IPO11: variants seen among roughly 807,000 people sequenced by gnomAD.
IPO11 encodes importin 11.
Under a neutral mutation model 143.2 loss-of-function variants are expected in IPO11, and 66 were observed. The observed-to-expected ratio is 0.46, with a 90% CI of 0.38 to 0.57. The LOEUF (loss-of-function observed/expected upper bound fraction) is 0.57. Among genes scored for constraint, IPO11 ranks in the 20% least tolerant of loss-of-function variants. The pLI, the probability that IPO11 is intolerant of heterozygous loss-of-function variation, is 0.00. For synonymous variants in IPO11, 385 were observed against 377.8 expected, an observed-to-expected ratio of 1.02 and a Z score of -0.22; for missense variants, 1,026 against 1,141.0, an observed-to-expected ratio of 0.90 and a Z score of 1.45.
chr5:62,574,781 GAGATCAAGAAGTTAAAAATGTTCTTCTAA>G (rs1744255739), intron 27 of IPO11, among the ~76,000 whole-genome samples: 1 of 152,190 alleles, frequency 6.6e-6, no homozygotes, highest in African/African-American at 2.4e-5. Flanking sequence ...AACAGGAACA[GAGATCAAGAAGTTAAAAATGTTCTTCTAA>G]AGTCATGCTG....
rs1357160092 is a variant in IPO11 at position 62,487,765 on chromosome 5, C to T, written c.1219-6C>T. 1 of 1,566,664 alleles carries T rather than the reference C, an allele frequency of 6.4e-7. No homozygotes were observed. The highest frequency in any genetic ancestry group is 8.6e-7 in the Non-Finnish European group (1 of 1,157,602). On this transcript the variant is annotated splice_region_variant and splice_polypyrimidine_tract_variant and intron_variant, in intron 12 of 29. Transcript: ENST00000325324. The stretch of plus-strand genomic sequence containing the variant: ...TGATGAGAAATTTGTATTTTTCCCT[C>T]TCCAGCCATGCACTGAAGTATTATT...
intron 20 of IPO11, among the ~76,000 whole-genome samples, chr5:62,524,871 T>G (rs1742317894): frequency 1.3e-5 from 2 of 152,180 alleles, no homozygotes; most frequent in African/African-American, 4.8e-5. Flanking sequence ...ACTTCTTAGG[T>G]GAGGAGGTAT....
intron 19 of IPO11, among the ~76,000 whole-genome samples, chr5:62,513,424 C>A (rs190963020): frequency 7.4e-6 from 1 of 134,624 alleles, no homozygotes. Context: ...ACCCCCCCCC[C>A]ACCTCCCTCC....
At chr5:62,536,815 A>G (rs1192181175) in intron 23 of IPO11, 34 bp downstream of exon 23, 1 of 1,437,390 alleles carries the variant, frequency 7.0e-7, no homozygotes, top group East Asian at 2.8e-5. Context: ...ATATGAAATT[A>G]TATAATTATT....
chr5:62,544,278 G>A (rs976149673), intron 24 of IPO11, among the ~76,000 whole-genome samples: 4 of 152,030 alleles, frequency 2.6e-5, no homozygotes, highest in Non-Finnish European at 2.9e-5. Flanking sequence ...CTTCATCCCC[G>A]AGATTCAAGG....
intron 27 of IPO11, among the ~76,000 whole-genome samples, chr5:62,586,381 C>T (rs1285799631): frequency 6.6e-6 from 1 of 151,902 alleles, no homozygotes; most frequent in African/African-American, 2.4e-5. Context: ...CACTGTTTTC[C>T]AGAGTATTTT....
chr5:62,587,483 C>CT (rs369313256), intron 27 of IPO11, among the ~76,000 whole-genome samples: 1,492 of 146,368 alleles, frequency 0.01, 8 homozygotes, highest in Middle Eastern at 0.028. Context: ...TAGGGGAAAA[C>CT]TTTTTTTTTT....
intron 20 of IPO11, among the ~76,000 whole-genome samples, chr5:62,522,443 C>T (rs1050096778): frequency 1.7e-4 from 26 of 152,220 alleles, no homozygotes; most frequent in African/African-American, 6.3e-4. Flanking sequence ...CACCAACATG[C>T]CTGGCTAATT....
intron 1 of IPO11, among the ~76,000 whole-genome samples, chr5:62,423,601 C>G (rs1743593362): frequency 6.6e-6 from 1 of 152,108 alleles, no homozygotes; most frequent in Non-Finnish European, 1.5e-5. Flanking sequence ...TAAAAGTAGA[C>G]AGAATTTTAT....
intron 1 of IPO11, among the ~76,000 whole-genome samples, chr5:62,435,904 C>G (rs999953973): frequency 6.6e-6 from 1 of 152,130 alleles, no homozygotes. Context: ...TGGTGTGCGC[C>G]TGTAATCCCA....
chr5:62,602,726 T>A (rs1244902099), intron 29 of IPO11, among the ~76,000 whole-genome samples: 1 of 152,204 alleles, frequency 6.6e-6, no homozygotes, highest in Non-Finnish European at 1.5e-5. Flanking sequence ...TCTTTTAAAC[T>A]GTTTGAATTT....
chr5:62,430,022 G>C (rs557115789), intron 1 of IPO11, among the ~76,000 whole-genome samples: 2 of 152,278 alleles, frequency 1.3e-5, no homozygotes, highest in South Asian at 2.1e-4. Context: ...CTCCCAAAGT[G>C]CTGGGATTAT....
In IPO11 at chr5:62,522,312, T is replaced by C. The variant is rs186023347; in HGVS notation, c.1897-3830T>C. Among the ~76,000 whole-genome samples the C allele has an allele frequency of 3.3e-5, 5 of 149,764 alleles. No individual in the cohort carries two copies. The East Asian group carries it at 9.8e-4, about 29-fold the overall frequency. ...GGTTTTTTTTTTTTTTGAGACAGGA[T>C]CTCACTCTGTTGCCCAGGCTGGAGT... On this transcript the variant is annotated intron_variant, in intron 20 of 29. Coordinates refer to ENST00000325324, the MANE Select transcript of IPO11 (RefSeq NM_016338.5).
In IPO11 at chr5:62,550,406, C is replaced by G. The variant is rs760703853; in HGVS notation, c.2290C>G (p.Pro764Ala). ...NALKVNPILG[P>A]QMFQPILPYV... Reference sequence around the variant, plus strand: ...CCTTAAAGTGAACCCAATACTAGGTCCACAAATGTTTCAACCGATTTTACC... The same window carrying G: ...CCTTAAAGTGAACCCAATACTAGGTGCACAAATGTTTCAACCGATTTTACC... Residue 764 changes from proline to alanine, a missense_variant, in exon 25 of 30, where the codon CCA (proline) becomes GCA (alanine). This residue lies in a region of IPO11 where 351 missense variants were observed against 358.9 expected (regional missense o/e 0.98). Transcript: ENST00000325324. 1 of 1,612,714 alleles carries G rather than the reference C, an allele frequency of 6.2e-7. No individual in the cohort carries two copies. Among genetic ancestry groups the G allele is most frequent in the Non-Finnish European group, 8.5e-7 (1 of 1,179,314 alleles).
At chr5:62,597,576 C>A (rs561560033) in intron 28 of IPO11, among the ~76,000 whole-genome samples, 112 of 152,316 alleles carry the variant, frequency 7.4e-4, no homozygotes, top group Admixed American at 1.0e-3. Context: ...CTATGATTGG[C>A]TAAAACTCTG....
In IPO11 at chr5:62,579,578, G is replaced by C. The variant is rs776363540; in HGVS notation, c.2583-11999G>C. On this transcript the variant is annotated intron_variant, in intron 27 of 29. Transcript: ENST00000325324. ...TGCACTGGGAGACAAATTAACTGCC[G>C]TAACTTAGGCCTTTCGAGTATTCCT... 68 of 1,551,012 alleles carry C rather than the reference G, an allele frequency of 4.4e-5. No homozygotes were observed. The highest frequency in any genetic ancestry group is 2.0e-4 in the Admixed American group (10 of 50,938).
chr5:62,444,214 T>A (rs539516230), intron 3 of IPO11, among the ~76,000 whole-genome samples: 1 of 151,294 alleles, frequency 6.6e-6, no homozygotes, highest in African/African-American at 2.4e-5. Flanking sequence ...TGCCTCAGCC[T>A]CCCGAGTAGC....
intron 13 of IPO11, among the ~76,000 whole-genome samples, chr5:62,488,237 AATG>A (rs1304520716): frequency 5.3e-5 from 8 of 152,186 alleles, no homozygotes; most frequent in Non-Finnish European, 4.4e-5. Flanking sequence ...TTTGAGAGAA[AATG>A]ATGATGTAAA....
chr5:62,469,490 G>C (rs184016087), intron 6 of IPO11, among the ~76,000 whole-genome samples: 1 of 152,100 alleles, frequency 6.6e-6, no homozygotes, highest in Non-Finnish European at 1.5e-5. Flanking sequence ...TACTGTAATA[G>C]CAATCCTTAT....
Sources: allele counts gnomAD v4.1 joint callset (sites outside exome capture counted in the v4.1 genomes callset), GRCh38; gene constraint gnomAD v4.1.1; regional missense constraint gnomAD v4.1.1; transcripts MANE v1.5; gene names NCBI Gene and HGNC (gene_info 2026-07-23, HGNC 2026-07-21).